CNTNAP2: variants seen among roughly 807,000 people sequenced by gnomAD.
CNTNAP2 encodes contactin associated protein 2, also known as contactin-associated protein-like 2.
In CNTNAP2, 98 loss-of-function variants were observed where a neutral mutation model predicts 155.2. That is an observed-to-expected ratio of 0.63 (90% CI 0.54 to 0.75). The LOEUF is 0.75. Ranked by LOEUF, CNTNAP2 falls within the 30% of genes least tolerant of loss-of-function variation. The pLI is 0.00. For synonymous variants in CNTNAP2, 651 were observed against 631.2 expected, an observed-to-expected ratio of 1.03 and a Z score of -0.47; for missense variants, 1,727 against 1,688.1, an observed-to-expected ratio of 1.02 and a Z score of -0.40.
intron 8 of CNTNAP2, among the ~76,000 whole-genome samples, chr7:147,295,231 GT>G (rs1805412422): frequency 2.0e-5 from 3 of 151,614 alleles, no homozygotes; most frequent in South Asian, 4.2e-4. Flanking sequence ...ATGGAAGTGT[GT>G]GTGCGCATGC....
chr7:147,506,544 C>A (rs1372031921), intron 11 of CNTNAP2, among the ~76,000 whole-genome samples: 1 of 152,186 alleles, frequency 6.6e-6, no homozygotes, highest in African/African-American at 2.4e-5. Flanking sequence ...CGTGAGCCAC[C>A]ACGCCTGGCC....
chr7:147,059,330 C>T (rs1799619112), intron 4 of CNTNAP2, among the ~76,000 whole-genome samples: 1 of 152,012 alleles, frequency 6.6e-6, no homozygotes, highest in Non-Finnish European at 1.5e-5. Flanking sequence ...CCTCAAAGAG[C>T]TATTTGGATA....
At chr7:147,921,987 C>T (rs1219644814) in intron 14 of CNTNAP2, among the ~76,000 whole-genome samples, 2 of 151,852 alleles carry the variant, frequency 1.3e-5, no homozygotes, top group Non-Finnish European at 1.5e-5. Context: ...ATCCCTGTAA[C>T]AGCCCTAGTG....
chr7:148,037,256 A>C (rs1398305173), intron 15 of CNTNAP2, among the ~76,000 whole-genome samples: 1 of 152,152 alleles, frequency 6.6e-6, no homozygotes, highest in African/African-American at 2.4e-5. Context: ...CATCATCTCA[A>C]ACTATGTCGA....
At chr7:146,722,561 G>A (rs867439963) in intron 1 of CNTNAP2, among the ~76,000 whole-genome samples, 36 of 152,222 alleles carry the variant, frequency 2.4e-4, no homozygotes, top group African/African-American at 8.4e-4. Flanking sequence ...GGTGAGATGA[G>A]ATGAGGCCAA....
intron 1 of CNTNAP2, among the ~76,000 whole-genome samples, chr7:146,450,373 A>G (rs978889445): frequency 6.6e-6 from 1 of 152,204 alleles, no homozygotes. Context: ...GAATTCTGTC[A>G]GGGCCAAGCT....
chr7:146,943,060 C>A (rs1797087982), intron 3 of CNTNAP2, among the ~76,000 whole-genome samples: 1 of 151,904 alleles, frequency 6.6e-6, no homozygotes, highest in Non-Finnish European at 1.5e-5. Flanking sequence ...GGGCACAGAC[C>A]CCCCTGTCAT....
chr7:147,287,594 T>C (rs1342247768), intron 8 of CNTNAP2, among the ~76,000 whole-genome samples: 3 of 151,702 alleles, frequency 2.0e-5, no homozygotes, highest in Admixed American at 6.6e-5. Context: ...CCAGGTAACT[T>C]CATCTTGCCC....
chr7:146,570,998 T>C (rs920538457), intron 1 of CNTNAP2, among the ~76,000 whole-genome samples: 3 of 152,170 alleles, frequency 2.0e-5, no homozygotes, highest in Non-Finnish European at 1.5e-5. Flanking sequence ...TAGTGATGTT[T>C]CCAGATGTTT....
intron 1 of CNTNAP2, among the ~76,000 whole-genome samples, chr7:146,345,889 T>G (rs1794811740): frequency 6.6e-6 from 1 of 152,128 alleles, no homozygotes. Context: ...AGTCTCACAG[T>G]TCTACTGAAA....
At chr7:148,272,455 A>G (rs1242960055) in intron 21 of CNTNAP2, among the ~76,000 whole-genome samples, 1 of 152,188 alleles carries the variant, frequency 6.6e-6, no homozygotes, top group Non-Finnish European at 1.5e-5. Flanking sequence ...CAACATCTCT[A>G]TTAATGCCTT....
At chr7:146,381,102 C>T (rs1290861940) in intron 1 of CNTNAP2, among the ~76,000 whole-genome samples, 1 of 151,986 alleles carries the variant, frequency 6.6e-6, no homozygotes, top group African/African-American at 2.4e-5. Flanking sequence ...CCGGCCTGCA[C>T]GTTCTTATAT....
chr7:147,476,322 G>C (rs906030973), intron 10 of CNTNAP2, among the ~76,000 whole-genome samples: 3 of 151,966 alleles, frequency 2.0e-5, no homozygotes, highest in Admixed American at 6.6e-5. Flanking sequence ...AACCAGGATG[G>C]TCTCAATCTG....
chr7:146,172,032 A>ATTTTTTTTTTTTTT (rs61619996), intron 1 of CNTNAP2, among the ~76,000 whole-genome samples: 1 of 67,612 alleles, frequency 1.5e-5, no homozygotes, highest in Non-Finnish European at 2.9e-5. Context: ...TGCTCTTAGT[A>ATTTTTTTTTTTTTT]TTTTTTTTTT....
chr7:147,622,758 G>A (rs2116895167), intron 12 of CNTNAP2, among the ~76,000 whole-genome samples: 1 of 151,782 alleles, frequency 6.6e-6, no homozygotes, highest in East Asian at 1.9e-4. Context: ...TAAAATTAGT[G>A]GAAGAAAGAA....
intron 1 of CNTNAP2, among the ~76,000 whole-genome samples, chr7:146,363,621 A>C (rs565551442): frequency 7.5e-4 from 114 of 152,320 alleles, no homozygotes; most frequent in African/African-American, 2.3e-3. Flanking sequence ...AGACAAAATC[A>C]GAGGTCAATG....
chr7:146,444,955 C>T (rs916990035), intron 1 of CNTNAP2, among the ~76,000 whole-genome samples: 4 of 152,064 alleles, frequency 2.6e-5, no homozygotes, highest in Admixed American at 6.6e-5. Context: ...CCCACCGAGA[C>T]ACATAAGCCA....
intron 1 of CNTNAP2, among the ~76,000 whole-genome samples, chr7:146,686,858 G>A (rs558139443): frequency 6.6e-6 from 1 of 152,180 alleles, no homozygotes; most frequent in Non-Finnish European, 1.5e-5. Context: ...TTCAGCCAAT[G>A]TTTGTCGTAA....
At chr7:147,536,717 C>T (rs1011785291) in intron 11 of CNTNAP2, among the ~76,000 whole-genome samples, 3 of 152,190 alleles carry the variant, frequency 2.0e-5, no homozygotes, top group Non-Finnish European at 2.9e-5. Context: ...CGTTCTCTGA[C>T]TTCCTAATGT....
Sources: gnomAD v4.1 joint callset for allele counts (sites outside exome capture counted in the v4.1 genomes callset) on GRCh38, gnomAD v4.1.1 for gene constraint, MANE v1.5 for transcripts, NCBI Gene and HGNC (gene_info 2026-07-23, HGNC 2026-07-21) for gene names.